The following BMPR1B variants were observed in gnomAD, a reference collection of about 807,000 sequenced individuals.
BMPR1B encodes the protein bone morphogenetic protein receptor type-1B.
In BMPR1B, 12 loss-of-function variants were observed where a neutral mutation model predicts 59.1. The ratio of observed to expected loss-of-function variants is 0.20; its 90% CI spans 0.13 to 0.33. The LOEUF (loss-of-function observed/expected upper bound fraction) is 0.33, where lower values mean the gene tolerates loss of function less well. Ranked by LOEUF, BMPR1B falls within the 10% of genes least tolerant of loss-of-function variation. The probability of loss-of-function intolerance (pLI) is 1.00; values close to 1 mark genes in which losing one functional copy is unlikely to be tolerated. For missense variants in BMPR1B, 550 were observed against 610.9 expected, an observed-to-expected ratio of 0.90 and a Z score of 1.05; for synonymous variants, 237 against 207.3, an observed-to-expected ratio of 1.14 and a Z score of -1.23.
intron 3 of BMPR1B, among the ~76,000 whole-genome samples, chr4:95,059,172 A>G (rs1185242594): frequency 6.6e-6 from 1 of 152,132 alleles, no homozygotes; most frequent in African/African-American, 2.4e-5. Flanking sequence ...CTGTGCAGTG[A>G]CCCGGAAAAC....
intron 1 of BMPR1B, among the ~76,000 whole-genome samples, chr4:94,764,523 T>A (rs1372910029): frequency 1.3e-5 from 2 of 152,192 alleles, no homozygotes; most frequent in African/African-American, 4.8e-5. Flanking sequence ...TGTTTATAAA[T>A]AAATTCCCTC....
intron 2 of BMPR1B, among the ~76,000 whole-genome samples, chr4:94,984,655 A>C (rs886861476): frequency 2.6e-5 from 4 of 152,212 alleles, no homozygotes; most frequent in African/African-American, 9.7e-5. Flanking sequence ...TTTAAAAATT[A>C]CACAGGTAAT....
chr4:94,864,842 T>C (rs1320871480), intron 1 of BMPR1B, among the ~76,000 whole-genome samples: 13 of 151,980 alleles, frequency 8.6e-5, no homozygotes, highest in Admixed American at 8.5e-4. Context: ...CAATCTGTTG[T>C]TGGTAAAACC....
chr4:94,771,372 T>A (rs190642447), intron 1 of BMPR1B, among the ~76,000 whole-genome samples: 1 of 152,298 alleles, frequency 6.6e-6, no homozygotes, highest in African/African-American at 2.4e-5. Context: ...TACTGGTTAT[T>A]GATGAAACAA....
rs985284595 is a variant in BMPR1B, at chr4:95,124,265, C to A, written c.446+359C>A. Among the ~76,000 whole-genome samples, 10 of 151,806 alleles carry A rather than the reference C, an allele frequency of 6.6e-5. 1 individual carries two copies. The highest frequency in any genetic ancestry group is 1.5e-4 in the Non-Finnish European group (10 of 67,950). ...AAATTCCTTATTTTCTAAGCTATAA[C>A]GTTTCTGATTATTAAAAGATTTTAA... On this transcript the variant is annotated intron_variant, in intron 7 of 12. Coordinates refer to ENST00000515059, the MANE Select transcript of BMPR1B (RefSeq NM_001203.3).
At chr4:94,989,113 G>A (rs1327881783) in intron 2 of BMPR1B, among the ~76,000 whole-genome samples, 4 of 151,972 alleles carry the variant, frequency 2.6e-5, no homozygotes, top group Non-Finnish European at 5.9e-5. Context: ...ATTCACGGCC[G>A]GGTGCGATGG....
At chr4:95,003,801 C>CTTTTTTTTTTTT (rs5860385) in intron 3 of BMPR1B, among the ~76,000 whole-genome samples, 5 of 84,562 alleles carry the variant, frequency 5.9e-5, no homozygotes, top group African/African-American at 4.8e-5. Context: ...CAAAGTCCAT[C>CTTTTTTTTTTTT]TTTTTTTTTT....
chr4:94,972,319 T>C (rs1730826173), intron 2 of BMPR1B, among the ~76,000 whole-genome samples: 1 of 152,038 alleles, frequency 6.6e-6, no homozygotes, highest in Non-Finnish European at 1.5e-5. Context: ...GATAACTTTA[T>C]TATGACTTTT....
At chr4:95,122,997 C>G (rs1732637411) in intron 6 of BMPR1B, among the ~76,000 whole-genome samples, 1 of 152,084 alleles carries the variant, frequency 6.6e-6, no homozygotes, top group African/African-American at 2.4e-5. Context: ...TCCCAGAAAT[C>G]ACCCGTGTAA....
chr4:94,911,779 A>G (rs1215248443), intron 2 of BMPR1B, among the ~76,000 whole-genome samples: 2 of 152,122 alleles, frequency 1.3e-5, no homozygotes, highest in East Asian at 3.9e-4. Context: ...CTTGTTAGTA[A>G]TGGTGGCTCC....
chr4:94,759,939 T>A lies in BMPR1B; in HGVS notation c.-183+1871T>A, dbSNP rs201558572. Among the ~76,000 whole-genome samples the A allele has an allele frequency of 3.3e-5, 5 of 152,348 alleles. 1 individual carries two copies. In the South Asian group the frequency reaches 1.0e-3, roughly 32 times the overall value. On this transcript the variant is annotated intron_variant, in intron 1 of 12. Transcript: ENST00000515059. ...TTTCTTTAGTCATGCATAATGTACC[T>A]TTGTGTTTAGCAAAATATGGCCTAG...
chr4:94,856,999 G>T (rs1725782485), intron 1 of BMPR1B, among the ~76,000 whole-genome samples: 1 of 152,146 alleles, frequency 6.6e-6, no homozygotes, highest in African/African-American at 2.4e-5. Context: ...AACAGGGTTG[G>T]ACACAAATCT....
intron 2 of BMPR1B, among the ~76,000 whole-genome samples, chr4:94,934,634 A>G (rs990593377): frequency 1.5e-4 from 23 of 152,178 alleles, no homozygotes; most frequent in African/African-American, 4.8e-4. Context: ...GGAATTGCAT[A>G]CAATGGGCTA....
chr4:94,971,883 A>G (rs955108798), intron 2 of BMPR1B, among the ~76,000 whole-genome samples: 1 of 151,942 alleles, frequency 6.6e-6, no homozygotes, highest in Non-Finnish European at 1.5e-5. Context: ...GATGCTATAA[A>G]TAAAAGTTGT....
At chr4:94,821,120 G>C (rs1032429531) in intron 1 of BMPR1B, among the ~76,000 whole-genome samples, 11 of 152,146 alleles carry the variant, frequency 7.2e-5, no homozygotes, top group African/African-American at 2.7e-4. Flanking sequence ...TCTTTAATAT[G>C]CTTTAAAGCT....
At chr4:95,038,736 T>G (rs1206155912) in intron 3 of BMPR1B, among the ~76,000 whole-genome samples, 1 of 152,214 alleles carries the variant, frequency 6.6e-6, no homozygotes, top group African/African-American at 2.4e-5. Context: ...CTTTTTTTCT[T>G]CACACATCCT....
intron 3 of BMPR1B, among the ~76,000 whole-genome samples, chr4:95,009,674 A>G (rs1236270173): frequency 6.6e-6 from 1 of 152,158 alleles, no homozygotes; most frequent in Non-Finnish European, 1.5e-5. Flanking sequence ...AGTTTTCAGG[A>G]TACCCTTATT....
intron 3 of BMPR1B, among the ~76,000 whole-genome samples, chr4:95,011,513 A>G (rs963760625): frequency 2.0e-5 from 3 of 152,074 alleles, no homozygotes; most frequent in Admixed American, 6.6e-5. Flanking sequence ...TCTAGCTGTC[A>G]TGTCTAATTT....
intron 3 of BMPR1B, among the ~76,000 whole-genome samples, chr4:95,101,360 T>C (rs984606458): frequency 3.3e-5 from 5 of 152,132 alleles, no homozygotes; most frequent in African/African-American, 1.2e-4. Flanking sequence ...CTCAGTGATA[T>C]GTGTGTTGCT....
Sources: gnomAD v4.1 joint callset for allele counts (sites outside exome capture counted in the v4.1 genomes callset) on GRCh38, gnomAD v4.1.1 for gene constraint, MANE v1.5 for transcripts, NCBI Gene and HGNC (gene_info 2026-07-23, HGNC 2026-07-21) for gene names.